The following CHKA variants were observed in gnomAD, a reference collection of about 807,000 sequenced individuals.
CHKA encodes the protein CHETK-alpha.
A neutral mutation model predicts 60.1 loss-of-function variants in CHKA; 34 were observed. That is an observed-to-expected ratio of 0.57 (90% CI 0.43 to 0.75). CHKA has a LOEUF of 0.75. Among genes scored for constraint, CHKA ranks in the 30% least tolerant of loss-of-function variants. The probability of loss-of-function intolerance (pLI) is 0.00; values close to 1 mark genes in which losing one functional copy is unlikely to be tolerated. For missense variants in CHKA, 563 were observed against 561.3 expected (o/e 1.00, Z -0.03); for synonymous variants, 217 against 223.1 (o/e 0.97, Z 0.24).
At chr11:68,102,611 T>C (rs900759695) in intron 1 of CHKA, among the ~76,000 whole-genome samples, 1 of 151,980 alleles carries the variant, frequency 6.6e-6, no homozygotes, top group Non-Finnish European at 1.5e-5. Flanking sequence ...TAAGAAAACA[T>C]AGGGAAAAAG....
chr11:68,103,354 T>G (rs1160768768), intron 1 of CHKA, among the ~76,000 whole-genome samples: 1 of 151,856 alleles, frequency 6.6e-6, no homozygotes, highest in African/African-American at 2.4e-5. Flanking sequence ...AGACCCTGTC[T>G]CAGTAAATTT....
At position 68,098,249 on chromosome 11, in the gene CHKA, C is replaced by T. The variant is rs542166411; in HGVS notation, c.351-1119G>A. ...TCGCGCCACTGTACTCCAGCCTGGG[C>T]GACAGAGTGAGACTCCTATCTCAAA... On this transcript the variant is annotated intron_variant, in intron 1 of 11. Transcript: ENST00000265689. 3.7e-3 allele frequency among the ~76,000 whole-genome samples: 506 copies of T among 134,976 alleles called. 1 individual carries two copies. Among genetic ancestry groups the T allele is most frequent in the Non-Finnish European group, 5.8e-3 (375 of 65,106 alleles). 88.5% of individuals were successfully genotyped at this position (134,976 alleles called of 152,430 possible).
chr11:68,089,719 AT>A (rs1857291796), intron 2 of CHKA: 1 of 152,234 alleles, frequency 6.6e-6, no homozygotes, highest in African/African-American at 2.4e-5. Context: ...CTTAACAAGC[AT>A]TACAACTTTC....
intron 1 of CHKA, among the ~76,000 whole-genome samples, chr11:68,117,153 G>A (rs926755514): frequency 6.6e-6 from 1 of 152,128 alleles, no homozygotes; most frequent in African/African-American, 2.4e-5. Context: ...GAGACACAGA[G>A]GGGAAAGAAA....
At chr11:68,065,112 C>T (rs1236791998) in intron 9 of CHKA, among the ~76,000 whole-genome samples, 1 of 152,146 alleles carries the variant, frequency 6.6e-6, no homozygotes, top group Non-Finnish European at 1.5e-5. Context: ...GATATTTCCT[C>T]CCACTACTAA....
chr11:68,106,002 T>C (rs759876592), intron 1 of CHKA, among the ~76,000 whole-genome samples: 4 of 152,048 alleles, frequency 2.6e-5, no homozygotes, highest in Non-Finnish European at 4.4e-5. Context: ...CTTTAAGCCA[T>C]AGGGCTGGCT....
intron 10 of CHKA, 86 bp downstream of exon 10, chr11:68,064,439 T>C (rs1856370538): frequency 3.2e-6 from 2 of 618,836 alleles, no homozygotes; most frequent in African/African-American, 2.0e-5. Flanking sequence ...AGCTCTAAAA[T>C]ACTCCTAATT....
At chr11:68,080,343 A>G (rs1856942565) in intron 3 of CHKA, among the ~76,000 whole-genome samples, 1 of 151,172 alleles carries the variant, frequency 6.6e-6, no homozygotes, top group Admixed American at 6.6e-5. Flanking sequence ...CTATTTCTTG[A>G]TTTTTTTCTT....
At chr11:68,054,634 G>A (rs1855937443) in intron 11 of CHKA, among the ~76,000 whole-genome samples, 1 of 152,160 alleles carries the variant, frequency 6.6e-6, no homozygotes, top group African/African-American at 2.4e-5. Context: ...CTAAAAGTCT[G>A]CAATTCTAGA....
Position 68,064,618 on chromosome 11 carries a change from G to A in CHKA, c.1139C>T (p.Ser380Phe), listed in dbSNP as rs761868883. The A allele has an allele frequency of 1.3e-6, 2 of 1,582,256 alleles. No individual in the cohort carries two copies. Among genetic ancestry groups the A allele is most frequent in the East Asian group, 2.3e-5 (1 of 44,106 alleles). The change falls in exon 10 of 12, where the codon TCC becomes TTC. Residue 380 changes from serine (S) to phenylalanine (F), a missense_variant. Ser to Phe is a radical substitution (Grantham distance 155, BLOSUM62 -2). Transcript: ENST00000265689. ...ATTTTGGAATGCAGGCAAGTAACTG[G>A]AAATAAAATGGAGCTTAAAAAAAAG... ...PTKKQQLHFISSYLPAFQNDF... is the reference protein window; with the variant it reads ...PTKKQQLHFIFSYLPAFQNDF...
chr11:68,112,179 T>C (rs1445627890), intron 1 of CHKA, among the ~76,000 whole-genome samples: 2 of 149,744 alleles, frequency 1.3e-5, no homozygotes, highest in African/African-American at 2.5e-5. Context: ...AAATATAAAA[T>C]GCAAAACTAG....
chr11:68,088,027 C>T (rs754931136), intron 2 of CHKA, among the ~76,000 whole-genome samples: 8 of 143,368 alleles, frequency 5.6e-5, no homozygotes, highest in Admixed American at 7.5e-5. Flanking sequence ...GCATAAGAAT[C>T]GCTTGAACCT....
intron 2 of CHKA, among the ~76,000 whole-genome samples, chr11:68,084,446 ATG>A (rs1857114819): frequency 7.1e-6 from 1 of 140,904 alleles, no homozygotes; most frequent in Admixed American, 7.1e-5. Flanking sequence ...ACGTATATAT[ATG>A]TGTGTATATA....
intron 5 of CHKA, among the ~76,000 whole-genome samples, 186 bp from the exon 6 acceptor site, chr11:68,070,479 G>A (rs1856579961): frequency 6.6e-6 from 1 of 152,136 alleles, no homozygotes; most frequent in African/African-American, 2.4e-5. Context: ...TTCTAGGAAG[G>A]TGACTTTCTT....
At chr11:68,072,944 A>C (rs1335555335) in intron 4 of CHKA, among the ~76,000 whole-genome samples, 1 of 152,196 alleles carries the variant, frequency 6.6e-6, no homozygotes, top group Non-Finnish European at 1.5e-5. Context: ...GCAGTGAGCT[A>C]TGATCATGCT....
Position 68,121,056 on chromosome 11 carries a change from C to G in CHKA, c.122G>C (p.Ser41Thr). The G allele has an allele frequency of 2.7e-6, 3 of 1,103,352 alleles. No homozygotes were observed. Among genetic ancestry groups the G allele is most frequent in the Non-Finnish European group, 3.3e-6 (3 of 906,992 alleles). The allele number at this position is 1,103,352 out of a possible 1,614,324, so 68.3% of individuals were successfully genotyped here. Reference sequence around the variant, plus strand: ...GCCCAGCTGCTTGGACTCGAGGTCGCTGGCGGCGTCGCGCTGCTGCCCCAC... The same window carrying G: ...GCCCAGCTGCTTGGACTCGAGGTCGGTGGCGGCGTCGCGCTGCTGCCCCAC... ...PGVGQQRDAA[S>T]DLESKQLGGQ... The change falls in exon 1 of 12, where the codon AGC becomes ACC. Residue 41 changes from serine (S) to threonine (T), a missense_variant. Transcript: ENST00000265689.
intron 4 of CHKA, among the ~76,000 whole-genome samples, chr11:68,073,864 C>T (rs1856700280): frequency 6.6e-6 from 1 of 152,146 alleles, no homozygotes; most frequent in Non-Finnish European, 1.5e-5. Flanking sequence ...AAGCTAGCAG[C>T]TTATGATTCT....
rs1590894149 is a variant in CHKA at position 68,121,045 on chromosome 11, A to T, written c.133T>A (p.Ser45Thr). 9.1e-7 allele frequency: 1 copy of T among 1,104,392 alleles called. No homozygotes were observed. Among genetic ancestry groups the T allele is most frequent in the East Asian group, 5.2e-5 (1 of 19,360 alleles). 68.4% of individuals were successfully genotyped at this position (1,104,392 alleles called of 1,614,324 possible). ...QQRDAASDLE[S>T]KQLGGQQPPL... ...GGCTGTTGGCCGCCCAGCTGCTTGG[A>T]CTCGAGGTCGCTGGCGGCGTCGCGC... The change falls in exon 1 of 12, where the codon TCC (serine) becomes ACC (threonine). Residue 45 changes from serine to threonine, a missense_variant. By Grantham distance (58) the Ser-to-Thr change is moderately conservative. Transcript: ENST00000265689.
At chr11:68,070,319 C>G in intron 5 of CHKA, 26 bp from the exon 6 acceptor site, 1 of 1,473,916 alleles carries the variant, frequency 6.8e-7, no homozygotes. Context: ...CAAAAAAGAA[C>G]AGAACAAAGA....
Sources: gnomAD v4.1 joint callset for allele counts (sites outside exome capture counted in the v4.1 genomes callset) on GRCh38, gnomAD v4.1.1 for gene constraint, MANE v1.5 for transcripts, NCBI Gene and HGNC (gene_info 2026-07-23, HGNC 2026-07-21) for gene names.